The following CTNNA1 variants were observed in gnomAD, a reference collection of about 807,000 sequenced individuals.
The protein encoded by CTNNA1 is catenin alpha-1.
Under a neutral mutation model 98.4 loss-of-function variants are expected in CTNNA1, and 37 were observed. The ratio of observed to expected loss-of-function variants is 0.38; its 90% confidence interval spans 0.29 to 0.49. CTNNA1 has a LOEUF of 0.49. CTNNA1 is among the 20% of genes least tolerant of loss of function. CTNNA1 has a pLI of 0.95. For synonymous variants in CTNNA1, 404 were observed against 413.2 expected (o/e 0.98, Z 0.27); for missense variants, 761 against 1,147.2 (o/e 0.66, Z 4.86).
Position 138,781,969 on chromosome 5 carries a change from T to C in CTNNA1, c.45T>C (p.Pro15=). The C allele has an allele frequency of 6.2e-7, 1 of 1,601,936 alleles. No individual in the cohort carries two copies. Residue 15 remains proline, a synonymous_variant, in exon 2 of 18, where the codon CCT becomes CCC. Coordinates refer to ENST00000302763, the MANE Select transcript of CTNNA1 (RefSeq NM_001903.5). ...GCAACATAAACTTCAAGTGGGATCC[T>C]AAAAGTCTAGAGATCAGGACTCTGG... ...HAGNINFKWD[P]KSLEIRTLAV...
chr5:138,775,697 T>G (rs1417677624), intron 1 of CTNNA1, among the ~76,000 whole-genome samples: 2 of 151,798 alleles, frequency 1.3e-5, no homozygotes. Flanking sequence ...TTAGCCTCCT[T>G]TAATCTGGAA....
At chr5:138,886,137 G>A (rs1753968703) in intron 7 of CTNNA1, 75 bp from the exon 8 acceptor site, 1 of 1,514,076 alleles carries the variant, frequency 6.6e-7, no homozygotes, top group Non-Finnish European at 9.0e-7. Flanking sequence ...GTTGACATGA[G>A]CACAAATGGC....
chr5:138,757,194 TCAAA>T (rs553225351), intron 1 of CTNNA1, among the ~76,000 whole-genome samples: 45 of 150,848 alleles, frequency 3.0e-4, no homozygotes, highest in Middle Eastern at 3.4e-3. Context: ...AGACCCTGTC[TCAAA>T]CAAAAGAAAA....
chr5:138,827,734 T>C lies in CTNNA1; in HGVS notation c.1062+16T>C, dbSNP rs532989455. ...CATGGGCAATGTGAGTTTGACAGCT[T>C]TTCTTTGAAGTAAGATATTTATGGA... On this transcript the variant is annotated intron_variant, in intron 7 of 17. Transcript: ENST00000302763. The C allele has an allele frequency of 1.2e-5, 19 of 1,613,500 alleles. No homozygotes were observed. Among genetic ancestry groups the C allele is most frequent in the African/African-American group, 8.0e-5 (6 of 75,058 alleles).
At chr5:138,860,794 T>A (rs1433223970) in intron 7 of CTNNA1, among the ~76,000 whole-genome samples, 2 of 152,152 alleles carry the variant, frequency 1.3e-5, no homozygotes, top group African/African-American at 4.8e-5. Context: ...AAATGGGCTC[T>A]AGTTTTTGGA....
At chr5:138,818,931 T>G (rs1759729954) in intron 5 of CTNNA1, among the ~76,000 whole-genome samples, 2 of 152,184 alleles carry the variant, frequency 1.3e-5, no homozygotes, top group South Asian at 2.1e-4. Flanking sequence ...CCTGGCTTTG[T>G]TCTCTATGGC....
At chr5:138,860,525 G>A (rs1047253520) in intron 7 of CTNNA1, among the ~76,000 whole-genome samples, 3 of 151,998 alleles carry the variant, frequency 2.0e-5, no homozygotes, top group Non-Finnish European at 2.9e-5. Context: ...GTTTTGATAC[G>A]GAGTCTTGCT....
intron 5 of CTNNA1, among the ~76,000 whole-genome samples, chr5:138,818,642 G>A (rs1759697625): frequency 6.6e-6 from 1 of 152,168 alleles, no homozygotes; most frequent in African/African-American, 2.4e-5. Flanking sequence ...AACTTTGGGT[G>A]CCTCAGTTGC....
chr5:138,912,250 C>A (rs769726900), intron 10 of CTNNA1, among the ~76,000 whole-genome samples: 1 of 151,708 alleles, frequency 6.6e-6, no homozygotes, highest in Non-Finnish European at 1.5e-5. Context: ...TCTTAGAAGC[C>A]AAGTGAAAGA....
intron 7 of CTNNA1, among the ~76,000 whole-genome samples, chr5:138,859,223 C>G (rs1429661929): frequency 6.6e-6 from 1 of 152,186 alleles, no homozygotes; most frequent in Non-Finnish European, 1.5e-5. Flanking sequence ...TAGCACATGA[C>G]TTGTTCAAGT....
At chr5:138,897,294 ACCCCCCCCC>A (rs1200145464) in intron 9 of CTNNA1, among the ~76,000 whole-genome samples, 6 of 16,388 alleles carry the variant, frequency 3.7e-4, no homozygotes, top group South Asian at 3.6e-3. Context: ...CTCACACCGC[ACCCCCCCCC>A]CCCCCGCCCC....
At chr5:138,933,231 C>G (rs1765790031) in intron 17 of CTNNA1, among the ~76,000 whole-genome samples, 1 of 152,200 alleles carries the variant, frequency 6.6e-6, no homozygotes, top group African/African-American at 2.4e-5. Flanking sequence ...AAAAGCCCTT[C>G]ACTCCTCAGA....
At chr5:138,813,539 G>A (rs1470712202) in intron 5 of CTNNA1, among the ~76,000 whole-genome samples, 1 of 152,218 alleles carries the variant, frequency 6.6e-6, no homozygotes, top group Non-Finnish European at 1.5e-5. Context: ...TGGGAGTAGT[G>A]GGAGTAGGGA....
chr5:138,932,783 C>G, intron 17 of CTNNA1, 71 bp downstream of exon 17: 3 of 1,578,470 alleles, frequency 1.9e-6, no homozygotes, highest in Non-Finnish European at 2.6e-6. Flanking sequence ...AAAGTCACCT[C>G]CTATCCGCAT....
At chr5:138,931,325 C>T (rs756546620) in intron 16 of CTNNA1, among the ~76,000 whole-genome samples, 1 of 152,216 alleles carries the variant, frequency 6.6e-6, no homozygotes, top group Non-Finnish European at 1.5e-5. Context: ...CCTATTCCCT[C>T]ACACTGATAG....
chr5:138,771,210 A>ATT (rs1273713902), intron 1 of CTNNA1, among the ~76,000 whole-genome samples: 11 of 145,560 alleles, frequency 7.6e-5, no homozygotes, highest in East Asian at 5.9e-4. Context: ...GGTTGGCTGA[A>ATT]TTTTTTTTTT....
chr5:138,871,303 G>C (rs936555256), intron 7 of CTNNA1: 1 of 152,126 alleles, frequency 6.6e-6, no homozygotes, highest in East Asian at 1.9e-4. Context: ...TGTAAAAAAT[G>C]CTCATTTTCT....
chr5:138,758,380 T>C (rs1751934560), intron 1 of CTNNA1, among the ~76,000 whole-genome samples: 1 of 150,678 alleles, frequency 6.6e-6, no homozygotes, highest in Non-Finnish European at 1.5e-5. Flanking sequence ...TTTTTTTGTT[T>C]GTTTGTTGTT....
chr5:138,812,880 G>A (rs1430891419), intron 5 of CTNNA1, among the ~76,000 whole-genome samples: 2 of 152,172 alleles, frequency 1.3e-5, no homozygotes, highest in African/African-American at 4.8e-5. Flanking sequence ...TGGACGCTGT[G>A]TATTTCAGGT....
Sources: allele counts gnomAD v4.1 joint callset (sites outside exome capture counted in the v4.1 genomes callset), GRCh38; gene constraint gnomAD v4.1.1; transcripts MANE v1.5; gene names NCBI Gene and HGNC (gene_info 2026-07-23, HGNC 2026-07-21).